The following SPATA2L variants were observed in gnomAD, a reference collection of about 807,000 sequenced individuals.
SPATA2L encodes spermatogenesis associated 2 like.
Under a neutral mutation model 8.7 loss-of-function variants are expected in SPATA2L, and 5 were observed. The ratio of observed to expected loss-of-function variants is 0.57; its 90% confidence interval spans 0.30 to 1.21. The LOEUF (loss-of-function observed/expected upper bound fraction) is 1.21. SPATA2L is among the 50% of genes most tolerant of loss of function. SPATA2L has a pLI of 0.07. For synonymous variants in SPATA2L, 358 were observed against 275.8 expected (o/e 1.30, Z -2.95); for missense variants, 671 against 591.0 (o/e 1.14, Z -1.40).
chr16:89,701,192 A>G lies in SPATA2L; in HGVS notation c.41T>C (p.Leu14Pro). ...SSLSEDYRQC[L>P]ERELRRGRAG... ...GCGGCCCCGTCGCAGCTCGCGCTCCAGGCACTGGCGGTAGTCCTCGGACAG... is the reference window on the plus strand; with the variant it reads ...GCGGCCCCGTCGCAGCTCGCGCTCCGGGCACTGGCGGTAGTCCTCGGACAG... Residue 14 changes from leucine to proline, a missense_variant, in exon 2 of 3, where the codon CTG becomes CCG. Transcript: ENST00000289805. The G allele has an allele frequency of 6.8e-7, 1 of 1,475,406 alleles. No homozygotes were observed. Among genetic ancestry groups the G allele is most frequent in the Non-Finnish European group, 9.0e-7 (1 of 1,114,822 alleles). 91.4% of individuals were successfully genotyped at this position (1,475,406 alleles called of 1,614,324 possible).
In SPATA2L at chr16:89,698,240, G is replaced by C; in HGVS notation, c.369C>G (p.Ser123Arg). The C allele has an allele frequency of 6.2e-7, 1 of 1,610,480 alleles. No individual in the cohort carries two copies. Among genetic ancestry groups the C allele is most frequent in the East Asian group, 2.2e-5 (1 of 44,810 alleles). Residue 123 changes from serine to arginine, a missense_variant, in exon 3 of 3, where the codon AGC becomes AGG. Transcript: ENST00000289805. ...GVLSDDLLLK[S>R]FQKMGYVRRD... ...TGCGTACGTAGCCCATCTTCTGGAA[G>C]CTCTTCAGGAGGAGGTCGTCTGAGA...
rs754276046 is a variant in SPATA2L at position 89,697,602 on chromosome 16, A to G, written c.1007T>C (p.Ile336Thr). Residue 336 changes from isoleucine (I) to threonine (T), a missense_variant, in exon 3 of 3, where the codon ATT becomes ACT. Physicochemically the swap from Ile to Thr is moderately conservative, Grantham distance 89 (BLOSUM62 -1). Coordinates refer to ENST00000289805, the MANE Select transcript of SPATA2L (RefSeq NM_152339.4). ...TGAGGCTGGTACCCCCTCTGCCCGA[A>G]TACGCCTCGGGCTGGCCGCTGCAGA... Reference protein sequence around the residue: ...ESSAAASPRRIRAEGVPASAY... With the variant: ...ESSAAASPRRTRAEGVPASAY... The G allele has an allele frequency of 1.2e-6, 2 of 1,602,952 alleles. No individual in the cohort carries two copies. The highest frequency in any genetic ancestry group is 1.7e-4 in the Middle Eastern group (1 of 6,046).
chr16:89,697,764 G>T lies in SPATA2L; in HGVS notation c.845C>A (p.Ala282Asp), dbSNP rs368286686. ...GTGGRAWEPP[A>D]EELPQASSPP... ...GCTGCTGGCCTGCGGCAGCTCCTCA[G>T]CTGGGGGCTCCCAGGCCCGGCCCCC... is the stretch of plus-strand genomic sequence containing the variant. Residue 282 changes from alanine to aspartate, a missense_variant, in exon 3 of 3, where the codon GCT becomes GAT. By Grantham distance (126) the Ala-to-Asp change is moderately radical (BLOSUM62 -2). Transcript: ENST00000289805. The T allele has an allele frequency of 3.1e-6, 5 of 1,602,456 alleles. No homozygotes were observed. Among genetic ancestry groups the T allele is most frequent in the Non-Finnish European group, 4.3e-6 (5 of 1,175,424 alleles).
rs1448613940 is a variant in SPATA2L at position 89,696,847 on chromosome 16, A to C, written c.*487T>G. The C allele has an allele frequency of 2.0e-6, 3 of 1,535,406 alleles. No homozygotes were observed. Among genetic ancestry groups the C allele is most frequent in the Admixed American group, 3.9e-5 (2 of 50,954 alleles). ...AGCCGTGCACCCGGCAGAGCCCCGC[A>C]GATTGGCTCCAGCAGAGCTTGGGGT... On this transcript the variant is annotated 3_prime_UTR_variant, in exon 3 of 3. Transcript: ENST00000289805.
At position 89,697,965 on chromosome 16, in the gene SPATA2L, C is replaced by T. The variant is rs1362990618; in HGVS notation, c.644G>A (p.Arg215Gln). The T allele has an allele frequency of 2.6e-5, 41 of 1,604,552 alleles. No individual in the cohort carries two copies. Among genetic ancestry groups the T allele is most frequent in the Non-Finnish European group, 3.2e-5 (38 of 1,176,850 alleles). Residue 215 changes from arginine to glutamine, a missense_variant, in exon 3 of 3, where the codon CGA becomes CAA. Physicochemically the swap from Arg to Gln is conservative, Grantham distance 43 (BLOSUM62 1). Transcript: ENST00000289805. ...GGCCCTGTAAGCAGCAGGGGAGCCT[C>T]GGGGGGGCAGGGGTGGCGGCTCCTC... ...QDEEPPPLPP[R>Q]GSPAAYRAPL... is the part of the protein sequence containing the mutation.
rs1393478498 is a variant in SPATA2L, at chr16:89,697,385, C to T, written c.1224G>A (p.Gln408=). ...LGDAQRRLWL[Q]RAQMDTLLYN... ...AGAGCAGAGTGTCCATCTGTGCACG[C>T]TGTAGCCACAAGCGCCGCTGGGCGT... is the stretch of plus-strand genomic sequence containing the variant. The change falls in exon 3 of 3, where the codon CAG becomes CAA. Residue 408 remains glutamine, a synonymous_variant. Coordinates refer to ENST00000289805, the MANE Select transcript of SPATA2L (RefSeq NM_152339.4). The T allele has an allele frequency of 6.3e-7, 1 of 1,589,732 alleles. No homozygotes were observed. Among genetic ancestry groups the T allele is most frequent in the Non-Finnish European group, 8.6e-7 (1 of 1,167,864 alleles).
In SPATA2L at chr16:89,697,520, A is replaced by G. The variant is rs763809967; in HGVS notation, c.1089T>C (p.Pro363=). ...CGCAGCAGAGGGTGGGCAGGGCGCC[A>G]GGGGACAGGCAGCTGTGTGCCTGGT... ...PGYQAHSCLS[P]GALPTLCCDT... is the part of the protein sequence containing the mutation. Residue 363 remains proline, a synonymous_variant, in exon 3 of 3, where the codon CCT becomes CCC. Transcript: ENST00000289805. 1.3e-6 allele frequency: 2 copies of G among 1,594,720 alleles called. No homozygotes were observed. Among genetic ancestry groups the G allele is most frequent in the South Asian group, 1.1e-5 (1 of 89,722 alleles).
At chr16:89,699,574 C>T (rs1334647185) in intron 2 of SPATA2L, among the ~76,000 whole-genome samples, 7 of 146,274 alleles carry the variant, frequency 4.8e-5, no homozygotes, top group African/African-American at 1.3e-4. Flanking sequence ...TTTTTTGAGA[C>T]GGAGTCTCAC....
In SPATA2L at chr16:89,697,077, T is replaced by G; in HGVS notation, c.*257A>C. ...AGGCTGGACCCCTCTACCCAGCACA[T>G]GTGGGCATGCGTCTGGGTTCCGAGG... On this transcript the variant is annotated 3_prime_UTR_variant, in exon 3 of 3. Transcript: ENST00000289805. The G allele has an allele frequency of 7.2e-7, 1 of 1,385,442 alleles. No individual in the cohort carries two copies. Among genetic ancestry groups the G allele is most frequent in the African/African-American group, 1.5e-5 (1 of 68,874 alleles). The allele number at this position is 1,385,442 out of a possible 1,614,324, so 85.8% of individuals were successfully genotyped here. A position where few individuals can be genotyped will look rare whatever the true frequency, so the allele number is the denominator to read the frequency against.
intron 2 of SPATA2L, among the ~76,000 whole-genome samples, chr16:89,700,214 C>A (rs1049534877): frequency 6.6e-6 from 1 of 152,220 alleles, no homozygotes; most frequent in African/African-American, 2.4e-5. Flanking sequence ...GCCTCAAGGG[C>A]GGGCCTGTCC....
In SPATA2L at chr16:89,697,847, CG is replaced by C; in HGVS notation, c.761del (p.Pro254ArgfsTer63). The part of the protein sequence containing the change: ...GEPSPGPDSP[P>X]AELAYRPPLW... ...GTGGTGGCCTGTAGGCCAGCTCCGC[CG>C]GGGGCGAGTCAGGGCCTGGTGACGG... On this transcript the variant is annotated frameshift_variant, in exon 3 of 3. Coordinates refer to ENST00000289805, the MANE Select transcript of SPATA2L (RefSeq NM_152339.4). LOFTEE classifies it low-confidence loss of function (END_TRUNC). 2 of 1,609,668 alleles carry C rather than the reference CG, an allele frequency of 1.2e-6. No homozygotes were observed.
rs766811418 is a variant in SPATA2L at position 89,701,244 on chromosome 16, C to CGGGGGTCGG, written c.-1-20_-1-12dup. On this transcript the variant is annotated splice_polypyrimidine_tract_variant and intron_variant, in intron 1 of 2. Coordinates refer to ENST00000289805, the MANE Select transcript of SPATA2L (RefSeq NM_152339.4). ...GAGCTGCTGCCCATCCTGCGGCGGA[C>CGGGGGTCGG]GGGGGTCGGGGGGGTCAGGGACCTA... The CGGGGGTCGG allele has an allele frequency of 2.9e-5, 41 of 1,398,228 alleles. No individual in the cohort carries two copies. In the South Asian group the frequency reaches 3.0e-4, roughly 10 times the overall value. 86.6% of individuals were successfully genotyped at this position (1,398,228 alleles called of 1,614,324 possible).
At chr16:89,699,611 C>T (rs957362169) in intron 2 of SPATA2L, among the ~76,000 whole-genome samples, 39 of 150,754 alleles carry the variant, frequency 2.6e-4, no homozygotes, top group African/African-American at 9.3e-4. Flanking sequence ...AGTGCAGTGG[C>T]TCGATCTCTG....
chr16:89,698,902 C>T (rs548837579), intron 2 of SPATA2L, among the ~76,000 whole-genome samples: 44 of 151,886 alleles, frequency 2.9e-4, no homozygotes, highest in Non-Finnish European at 2.6e-4. Context: ...ATCTTCCTGC[C>T]TCAGCCTCCT....
Position 89,698,163 on chromosome 16 carries a change from A to C in SPATA2L, c.446T>G (p.Val149Gly). The C allele has an allele frequency of 6.2e-7, 1 of 1,611,416 alleles. No homozygotes were observed. Among genetic ancestry groups the C allele is most frequent in the Non-Finnish European group, 8.5e-7 (1 of 1,179,366 alleles). ...VTALPPACQL[V>G]QVALGCFALR... is the part of the protein sequence containing the mutation. ...GGCGAAGCAGCCCAGGGCCACCTGC[A>C]CCAGCTGGCAGGCGGGGGGCAGGGC... The change falls in exon 3 of 3, where the codon GTG becomes GGG. Residue 149 changes from valine to glycine, a missense_variant. Transcript: ENST00000289805.
chr16:89,697,254 G>C lies in SPATA2L; in HGVS notation c.*80C>G. The C allele has an allele frequency of 7.0e-7, 1 of 1,423,030 alleles. No homozygotes were observed. Among genetic ancestry groups the C allele is most frequent in the Non-Finnish European group, 9.2e-7 (1 of 1,092,502 alleles). The allele number at this position is 1,423,030 out of a possible 1,614,324, so 88.2% of individuals were successfully genotyped here. A position where few individuals can be genotyped will look rare whatever the true frequency, so the allele number is the denominator to read the frequency against. The stretch of plus-strand genomic sequence containing the variant: ...GACTCCCCCAGGGACAAGGCAACCA[G>C]AGGCCCAGACCCCTCCCCAGCAAAG... On this transcript the variant is annotated 3_prime_UTR_variant, in exon 3 of 3. Coordinates refer to ENST00000289805, the MANE Select transcript of SPATA2L (RefSeq NM_152339.4).
Position 89,696,828 on chromosome 16 carries a change from G to A in SPATA2L, c.*506C>T, listed in dbSNP as rs1294065880. On this transcript the variant is annotated 3_prime_UTR_variant, in exon 3 of 3. Transcript: ENST00000289805. Reference sequence around the variant, plus strand: ...GCGTCCCCGAAGCCAGGTCAGCCGTGCACCCGGCAGAGCCCCGCAGATTGG... The same window carrying A: ...GCGTCCCCGAAGCCAGGTCAGCCGTACACCCGGCAGAGCCCCGCAGATTGG... The A allele has an allele frequency of 6.5e-7, 1 of 1,535,180 alleles. No homozygotes were observed. Among genetic ancestry groups the A allele is most frequent in the Non-Finnish European group, 8.7e-7 (1 of 1,146,378 alleles).
At position 89,697,251 on chromosome 16, in the gene SPATA2L, C is replaced by T. The variant is rs141139105; in HGVS notation, c.*83G>A. 7.9e-3 allele frequency: 11,280 copies of T among 1,420,752 alleles called. 77 individuals carry two copies. Among genetic ancestry groups the T allele is most frequent in the Middle Eastern group, 0.033 (127 of 3,826 alleles). The allele number at this position is 1,420,752 out of a possible 1,614,324, so 88.0% of individuals were successfully genotyped here. A position where few individuals can be genotyped will look rare whatever the true frequency, so the allele number is the denominator to read the frequency against. On this transcript the variant is annotated 3_prime_UTR_variant, in exon 3 of 3. Transcript: ENST00000289805. ...CAGGACTCCCCCAGGGACAAGGCAACCAGAGGCCCAGACCCCTCCCCAGCA... is the reference window on the plus strand; with the variant it reads ...CAGGACTCCCCCAGGGACAAGGCAATCAGAGGCCCAGACCCCTCCCCAGCA...
intron 2 of SPATA2L, among the ~76,000 whole-genome samples, chr16:89,698,713 C>G (rs1020855822): frequency 6.6e-6 from 1 of 151,394 alleles, no homozygotes. Context: ...TCTCAAACTC[C>G]TGACCTCAAG....
Sources: allele counts gnomAD v4.1 joint callset (sites outside exome capture counted in the v4.1 genomes callset), GRCh38; gene constraint gnomAD v4.1.1; transcripts MANE v1.5; gene names NCBI Gene and HGNC (gene_info 2026-07-23, HGNC 2026-07-21).